PRKCA: variants seen among roughly 807,000 people sequenced by gnomAD.
The protein encoded by PRKCA is protein kinase C alpha, also known as protein kinase C alpha type.
A neutral mutation model predicts 87.0 loss-of-function variants in PRKCA; 27 were observed. The observed-to-expected ratio is 0.31, with a 90% CI of 0.23 to 0.43. PRKCA has a LOEUF of 0.43. Among genes scored for constraint, PRKCA ranks in the 20% least tolerant of loss-of-function variants. The probability of loss-of-function intolerance (pLI) is 1.00; values close to 1 mark genes in which losing one functional copy is unlikely to be tolerated. For missense variants in PRKCA, 518 were observed against 852.3 expected, an observed-to-expected ratio of 0.61 and a Z score of 4.88; for synonymous variants, 329 against 311.1, an observed-to-expected ratio of 1.06 and a Z score of -0.61.
chr17:66,774,576 G>T, intron 14 of PRKCA: 5 of 947,450 alleles, frequency 5.3e-6, no homozygotes, highest in Non-Finnish European at 6.3e-6. Context: ...AGCCAAGATC[G>T]TGCCACTGCA....
chr17:66,378,449 T>C (rs1034898124), intron 2 of PRKCA, among the ~76,000 whole-genome samples: 1 of 152,206 alleles, frequency 6.6e-6, no homozygotes, highest in African/African-American at 2.4e-5. Flanking sequence ...ATTGAATGAC[T>C]ATTAATACCA....
intron 5 of PRKCA, among the ~76,000 whole-genome samples, chr17:66,657,554 G>A (rs998885147): frequency 6.6e-6 from 1 of 152,158 alleles, no homozygotes; most frequent in Non-Finnish European, 1.5e-5. Context: ...TCACTCAGCT[G>A]GGAGTGGGGG....
intron 10 of PRKCA, among the ~76,000 whole-genome samples, chr17:66,735,920 C>CTTTTTTTTTTTT (rs5821508): frequency 8.2e-6 from 1 of 122,116 alleles, no homozygotes; most frequent in East Asian, 2.4e-4. Context: ...TTCTTTCTTT[C>CTTTTTTTTTTTT]TTTTTTTTTT....
intron 13 of PRKCA, among the ~76,000 whole-genome samples, chr17:66,767,409 A>T (rs1194627993): frequency 6.6e-6 from 1 of 152,168 alleles, no homozygotes; most frequent in Non-Finnish European, 1.5e-5. Flanking sequence ...ATTACACAAG[A>T]TGTGTGTAGT....
At chr17:66,398,396 T>A (rs1001398443) in intron 2 of PRKCA, among the ~76,000 whole-genome samples, 1 of 152,206 alleles carries the variant, frequency 6.6e-6, no homozygotes. Flanking sequence ...TTGAAGTGAA[T>A]AGTGGCTCAT....
chr17:66,725,364 A>G (rs925945512), intron 8 of PRKCA, among the ~76,000 whole-genome samples: 2 of 152,312 alleles, frequency 1.3e-5, no homozygotes, highest in South Asian at 2.1e-4. Flanking sequence ...TTAGTGCTTA[A>G]TGAGCACAAA....
At chr17:66,614,359 TTGA>T (rs1490392594) in intron 3 of PRKCA, among the ~76,000 whole-genome samples, 1 of 152,240 alleles carries the variant, frequency 6.6e-6, no homozygotes, top group Non-Finnish European at 1.5e-5. Context: ...CAGATGGAAA[TTGA>T]TATTTTTGAG....
chr17:66,790,762 T>A (rs923187473), intron 16 of PRKCA, among the ~76,000 whole-genome samples: 1 of 152,162 alleles, frequency 6.6e-6, no homozygotes, highest in Non-Finnish European at 1.5e-5. Context: ...ATTGCCACGT[T>A]ATGGCAGAAG....
chr17:66,528,942 G>C (rs1967443597), intron 3 of PRKCA, among the ~76,000 whole-genome samples: 1 of 152,194 alleles, frequency 6.6e-6, no homozygotes, highest in Non-Finnish European at 1.5e-5. Flanking sequence ...TCACATTCAA[G>C]TACAAATGAT....
chr17:66,412,960 G>C (rs1464483563), intron 2 of PRKCA, among the ~76,000 whole-genome samples: 3 of 152,116 alleles, frequency 2.0e-5, no homozygotes, highest in African/African-American at 7.2e-5. Flanking sequence ...TCAGATACCA[G>C]ATATGTGGAG....
chr17:66,493,767 T>C (rs1158789796), intron 2 of PRKCA, among the ~76,000 whole-genome samples: 1 of 152,190 alleles, frequency 6.6e-6, no homozygotes, highest in African/African-American at 2.4e-5. Flanking sequence ...GATAAGATGC[T>C]CAGTAAATGG....
chr17:66,463,783 G>T (rs561846091), intron 2 of PRKCA, among the ~76,000 whole-genome samples: 31 of 152,260 alleles, frequency 2.0e-4, no homozygotes, highest in Non-Finnish European at 3.8e-4. Context: ...GATTTCCCAT[G>T]TACCTCATTT....
At chr17:66,755,357 T>C (rs913982392) in intron 13 of PRKCA, among the ~76,000 whole-genome samples, 5 of 152,158 alleles carry the variant, frequency 3.3e-5, no homozygotes, top group African/African-American at 1.2e-4. Context: ...TTATGGCTCC[T>C]TCAGAAGGTT....
chr17:66,338,582 C>T (rs369684350), intron 2 of PRKCA, among the ~76,000 whole-genome samples: 47 of 152,080 alleles, frequency 3.1e-4, no homozygotes, highest in African/African-American at 1.1e-3. Flanking sequence ...CATTCCCCCC[C>T]ACTCATTTTA....
At chr17:66,738,223 C>T (rs1974081482) in intron 10 of PRKCA, among the ~76,000 whole-genome samples, 1 of 152,224 alleles carries the variant, frequency 6.6e-6, no homozygotes, top group South Asian at 2.1e-4. Context: ...GCATCTCCAT[C>T]TAGAGTCCCC....
chr17:66,620,195 T>G (rs575876582), intron 3 of PRKCA, among the ~76,000 whole-genome samples: 29 of 152,330 alleles, frequency 1.9e-4, no homozygotes, highest in Middle Eastern at 6.8e-3. Context: ...GAAAACTTGA[T>G]GAAATAGATA....
At chr17:66,730,436 T>C (rs1236708990) in intron 8 of PRKCA, among the ~76,000 whole-genome samples, 1 of 152,180 alleles carries the variant, frequency 6.6e-6, no homozygotes, top group Non-Finnish European at 1.5e-5. Context: ...ATTGGCTATT[T>C]TGGTGGTTAT....
rs78010087 is a variant in PRKCA at position 66,492,374 on chromosome 17, G to A, written c.206-3827G>A. Among the ~76,000 whole-genome samples, 914 of 152,298 alleles carry A rather than the reference G, an allele frequency of 6.0e-3. 9 individuals are homozygous for A. Among genetic ancestry groups the A allele is most frequent in the African/African-American group, 0.02 (840 of 41,552 alleles). On this transcript the variant is annotated intron_variant, in intron 2 of 16. Transcript: ENST00000413366. ...GAGGTGTGCAATAGAAATACTTCCAGCTGTAGATACATAATTGCATTGACC... is the reference window on the plus strand; with the variant it reads ...GAGGTGTGCAATAGAAATACTTCCAACTGTAGATACATAATTGCATTGACC...
At chr17:66,533,765 G>A (rs1967655925) in intron 3 of PRKCA, among the ~76,000 whole-genome samples, 1 of 152,150 alleles carries the variant, frequency 6.6e-6, no homozygotes, top group African/African-American at 2.4e-5. Flanking sequence ...GTTGACTCGG[G>A]GGAGCGGCTT....
Sources: allele counts gnomAD v4.1 joint callset (sites outside exome capture counted in the v4.1 genomes callset), GRCh38; gene constraint gnomAD v4.1.1; transcripts MANE v1.5; gene names NCBI Gene and HGNC (gene_info 2026-07-23, HGNC 2026-07-21).